NMNAT1: variants seen among roughly 807,000 people sequenced by gnomAD.
NMNAT1 encodes nicotinamide/nicotinic acid mononucleotide adenylyltransferase 1.
In NMNAT1, 11 loss-of-function variants were observed where a neutral mutation model predicts 16.7. The ratio of observed to expected loss-of-function variants is 0.66; its 90% CI spans 0.41 to 1.09. NMNAT1 has a LOEUF of 1.09. Ranked by LOEUF, NMNAT1 falls within the 50% of genes least tolerant of loss-of-function variation. NMNAT1 has a pLI of 0.00. For missense variants in NMNAT1, 280 were observed against 332.3 expected (o/e 0.84, Z 1.22); for synonymous variants, 110 against 119.8 (o/e 0.92, Z 0.53).
chr1:9,982,172 A>G (rs1641962667), intron 4 of NMNAT1, 129 bp from the exon 5 acceptor site: 3 of 1,277,562 alleles, frequency 2.3e-6, no homozygotes, highest in South Asian at 2.9e-5. Flanking sequence ...CTAAGCCCTC[A>G]TCCTTGAAAA....
At chr1:9,949,837 T>C (rs1230266949) in intron 1 of NMNAT1, 1 of 152,104 alleles carries the variant, frequency 6.6e-6, no homozygotes, top group South Asian at 2.1e-4. Flanking sequence ...AAACTAAACC[T>C]TTGTTCATTA....
Position 9,982,454 on chromosome 1 carries a change from A to C in NMNAT1, c.593A>C (p.Tyr198Ser). Residue 198 changes from tyrosine (Y) to serine (S), a missense_variant, in exon 5 of 5, where the codon TAT (tyrosine) becomes TCT (serine). Physicochemically the swap from Tyr to Ser is moderately radical, Grantham distance 144. Coordinates refer to ENST00000377205, the MANE Select transcript of NMNAT1 (RefSeq NM_022787.4). Reference sequence around the variant, plus strand: ...GGAAATGATGCTCAGAAGTTTATCTATGAATCGGATGTGCTGTGGAAACAC... The same window carrying C: ...GGAAATGATGCTCAGAAGTTTATCTCTGAATCGGATGTGCTGTGGAAACAC... ...RAGNDAQKFI[Y>S]ESDVLWKHRS... is the part of the protein sequence containing the mutation. 1 of 1,614,180 alleles carries C rather than the reference A, an allele frequency of 6.2e-7. No homozygotes were observed. The highest frequency in any genetic ancestry group is 1.1e-5 in the South Asian group (1 of 91,082).
the NMNAT1 span, among the ~76,000 whole-genome samples, chr1:9,992,428 C>T: frequency 1.3e-5 from 2 of 151,956 alleles, no homozygotes; most frequent in Non-Finnish European, 2.9e-5. Context: ...TTGACGAAAA[C>T]GGTTCAGTGG....
chr1:9,950,014 T>A (rs1641071254), intron 1 of NMNAT1: 1 of 152,192 alleles, frequency 6.6e-6, no homozygotes, highest in Non-Finnish European at 1.5e-5. Flanking sequence ...TGGGTTATGA[T>A]GTCAGTCCTG....
At chr1:9,966,784 A>G (rs1470848456) in intron 1 of NMNAT1, among the ~76,000 whole-genome samples, 1 of 152,184 alleles carries the variant, frequency 6.6e-6, no homozygotes, top group Non-Finnish European at 1.5e-5. Flanking sequence ...ACTAGGGATA[A>G]GATAATATAC....
chr1:9,976,598 A>G (rs1175984514), intron 3 of NMNAT1, among the ~76,000 whole-genome samples: 2 of 151,924 alleles, frequency 1.3e-5, no homozygotes, highest in Middle Eastern at 3.4e-3. Context: ...TTCAAAAACC[A>G]GAGTAAGTGA....
chr1:9,987,857 A>G (rs190211991), downstream of NMNAT1, among the ~76,000 whole-genome samples: 16 of 152,230 alleles, frequency 1.1e-4, no homozygotes, highest in African/African-American at 3.6e-4. Flanking sequence ...AAAAGTATCA[A>G]TGTCACCAAA....
intron 1 of NMNAT1, among the ~76,000 whole-genome samples, chr1:9,965,332 AAAG>A (rs1409098352): frequency 4.0e-5 from 6 of 151,740 alleles, no homozygotes; most frequent in Non-Finnish European, 7.4e-5. Context: ...AAAAAAAAAA[AAAG>A]ATCTCAGAAT....
At chr1:9,987,343 T>A (rs1557478740), downstream of NMNAT1, among the ~76,000 whole-genome samples, 3 of 151,878 alleles carry the variant, frequency 2.0e-5, no homozygotes, top group Non-Finnish European at 2.9e-5. Context: ...AAAATTTTTT[T>A]AAAAATTAGC....
intron 1 of NMNAT1, among the ~76,000 whole-genome samples, chr1:9,952,697 C>G (rs1641145473): frequency 6.6e-6 from 1 of 151,914 alleles, no homozygotes; most frequent in Non-Finnish European, 1.5e-5. Context: ...ACCACCACTT[C>G]TGGGTAATTT....
chr1:9,966,282 G>T (rs1040937578), intron 1 of NMNAT1, among the ~76,000 whole-genome samples: 1 of 151,784 alleles, frequency 6.6e-6, no homozygotes. Context: ...GTGGGCAACA[G>T]AGGGAGACTC....
chr1:9,989,390 G>C (rs112486364), downstream of NMNAT1, among the ~76,000 whole-genome samples: 4 of 151,842 alleles, frequency 2.6e-5, no homozygotes, highest in Admixed American at 6.6e-5. Context: ...CCCAGGAGGC[G>C]GAGGTTGCAC....
At chr1:9,949,580 T>TTA (rs1553124229) in intron 1 of NMNAT1, 1 of 147,780 alleles carries the variant, frequency 6.8e-6, no homozygotes, top group Non-Finnish European at 1.5e-5. Flanking sequence ...CAGCTAATTT[T>TTA]TGTGTGTGTA....
chr1:9,966,840 A>G (rs1641556169), intron 1 of NMNAT1, among the ~76,000 whole-genome samples: 1 of 152,206 alleles, frequency 6.6e-6, no homozygotes, highest in Admixed American at 6.6e-5. Flanking sequence ...TAAAGGAACA[A>G]GGATTAGAAT....
In NMNAT1 at chr1:9,975,794, A is replaced by G. The variant is rs919763857; in HGVS notation, c.299+19A>G. The G allele has an allele frequency of 6.3e-6, 10 of 1,592,878 alleles. No homozygotes were observed. Among genetic ancestry groups the G allele is most frequent in the Non-Finnish European group, 7.7e-6 (9 of 1,166,060 alleles). On this transcript the variant is annotated intron_variant, in intron 3 of 4. Transcript: ENST00000377205. ...TGCTAAGGTATTTATGGTGTAATCA[A>G]CTTTGTCAGTTCTGTGTAAATGGCT...
At chr1:9,980,451 A>G (rs12744387) in intron 3 of NMNAT1, among the ~76,000 whole-genome samples, 116,839 of 142,814 alleles carry the variant, frequency 0.82, 48,509 homozygotes, top group Non-Finnish European at 0.92. Flanking sequence ...AAACCCCGTC[A>G]CTACTAAAAA....
At chr1:9,975,471 G>A in intron 2 of NMNAT1, 121 bp from the exon 3 acceptor site, 1 of 775,036 alleles carries the variant, frequency 1.3e-6, no homozygotes, top group South Asian at 2.0e-5. Context: ...AGTGCGGCCT[G>A]GGGAACAGAG....
chr1:9,968,157 C>T (rs541032075), intron 1 of NMNAT1, among the ~76,000 whole-genome samples: 5 of 133,686 alleles, frequency 3.7e-5, no homozygotes, highest in Admixed American at 9.8e-5. Flanking sequence ...CTGCAAGCTC[C>T]GCCTCCTGGG....
chr1:9,979,409 G>A (rs929550262), intron 3 of NMNAT1, among the ~76,000 whole-genome samples: 2 of 152,008 alleles, frequency 1.3e-5, no homozygotes, highest in African/African-American at 4.8e-5. Context: ...TGGTTGCAGC[G>A]AGCTATGATT....
Sources: allele counts gnomAD v4.1 joint callset (sites outside exome capture counted in the v4.1 genomes callset), GRCh38; gene constraint gnomAD v4.1.1; transcripts MANE v1.5; gene names NCBI Gene and HGNC (gene_info 2026-07-23, HGNC 2026-07-21).